Variants in DLL1 observed in about 807,000 individuals in gnomAD.
DLL1 encodes delta like canonical Notch ligand 1.
Under a neutral mutation model 75.1 loss-of-function variants are expected in DLL1, and 9 were observed. The observed-to-expected ratio is 0.12, with a 90% CI of 0.07 to 0.21. The LOEUF (loss-of-function observed/expected upper bound fraction) is 0.21, where lower values mean the gene tolerates loss of function less well. Ranked by LOEUF, DLL1 falls within the 10% of genes least tolerant of loss-of-function variation. The probability of loss-of-function intolerance (pLI) is 1.00; values close to 1 mark genes in which losing one functional copy is unlikely to be tolerated. For missense variants in DLL1, 837 were observed against 1,007.6 expected (o/e 0.83, Z 2.29); for synonymous variants, 477 against 418.3 (o/e 1.14, Z -1.71).
In DLL1 at chr6:170,290,867, C is replaced by G. The variant is rs1783847452; in HGVS notation, c.-728G>C. ...GAGGAGGCTCTGCGCCGCGGCTGCC[C>G]GGGTTCCCCTGCGCTCTGCCCTCGG... On this transcript the variant is annotated 5_prime_UTR_variant, in exon 1 of 11. Coordinates refer to ENST00000366756, the MANE Select transcript of DLL1 (RefSeq NM_005618.4). This position sits in a 1 kb window ranked among gnomAD's most constrained non-coding sequence, Gnocchi z 4.7. The G allele has an allele frequency of 7.5e-6, 5 of 665,786 alleles. No homozygotes were observed. Among genetic ancestry groups the G allele is most frequent in the South Asian group, 4.9e-5 (3 of 61,404 alleles). 41.2% of individuals were successfully genotyped at this position (665,786 alleles called of 1,614,324 possible). A position where few individuals can be genotyped will look rare whatever the true frequency, so the allele number is the denominator to read the frequency against.
intron 2 of DLL1, chr6:170,289,095 G>A (rs1783777638): frequency 1.7e-6 from 1 of 583,996 alleles, no homozygotes; most frequent in South Asian, 2.0e-5. Flanking sequence ...AGAGGCCCGA[G>A]GGCCCTTGTC....
rs1033583 is a variant in DLL1 at position 170,282,835 on chromosome 6, T to G, written c.*39A>C. The G allele has an allele frequency of 0.32, 522,757 of 1,613,400 alleles. 87,261 individuals are homozygous for G. Among genetic ancestry groups the G allele is most frequent in the Non-Finnish European group, 0.35 (417,847 of 1,179,686 alleles). The stretch of plus-strand genomic sequence containing the variant: ...GCATATATCCTTGGAATTTTACTTA[T>G]TTTAAGAGAAACGGGAGTCTTGCCA... On this transcript the variant is annotated 3_prime_UTR_variant, in exon 11 of 11. Transcript: ENST00000366756.
At position 170,289,767 on chromosome 6, in the gene DLL1, G is replaced by C; in HGVS notation, c.96C>G (p.Phe32Leu). 1 of 1,555,996 alleles carries C rather than the reference G, an allele frequency of 6.4e-7. No homozygotes were observed. Among genetic ancestry groups the C allele is most frequent in the Non-Finnish European group, 8.7e-7 (1 of 1,149,622 alleles). The change falls in exon 2 of 11, where the codon TTC becomes TTG. Residue 32 changes from phenylalanine to leucine, a missense_variant. Phe to Leu is a conservative substitution (Grantham distance 22). Around this residue, in one of 2 missense-constraint regions of DLL1, gnomAD observed 304 missense variants for 461.9 expected, o/e 0.66. Transcript: ENST00000366756. ...SGVFELKLQE[F>L]VNKKGLLGNR... ...TCCCCAGCAGCCCCTTCTTGTTGAC[G>C]AACTCCTGCAGCTTCAGTTCGAACA...
rs1783674388 is a variant in DLL1 at position 170,285,333 on chromosome 6, G to C, written c.953C>G (p.Pro318Arg). 1 of 1,614,204 alleles carries C rather than the reference G, an allele frequency of 6.2e-7. No individual in the cohort carries two copies. The highest frequency in any genetic ancestry group is 8.5e-7 in the Non-Finnish European group (1 of 1,180,030). ...CTCGCAGGTGGCACCTGTGTACCCAGGCCGGCAAGAGCAAGTGTAGCTCCC... is the reference window on the plus strand; with the variant it reads ...CTCGCAGGTGGCACCTGTGTACCCACGCCGGCAAGAGCAAGTGTAGCTCCC... ...GQGSYTCSCR[P>R]GYTGATCELG... The change falls in exon 7 of 11, where the codon CCT becomes CGT. Residue 318 changes from proline to arginine, a missense_variant. Physicochemically the swap from Pro to Arg is moderately radical, Grantham distance 103 (BLOSUM62 -2). This residue lies in a region of DLL1 where 304 missense variants were observed against 461.9 expected (regional missense o/e 0.66). Transcript: ENST00000366756.
In DLL1 at chr6:170,290,894, C is replaced by A. The variant is rs2114968823; in HGVS notation, c.-755G>T. ...GGTTCCCCTGCGCTCTGCCCTCGGC[C>A]GGGTCGGGTCTCCGCGGGTGCGCGC... On this transcript the variant is annotated 5_prime_UTR_variant, in exon 1 of 11. Coordinates refer to ENST00000366756, the MANE Select transcript of DLL1 (RefSeq NM_005618.4). This position sits in a 1 kb window ranked among gnomAD's most constrained non-coding sequence, Gnocchi z 4.7. The A allele has an allele frequency of 1.4e-6, 1 of 691,524 alleles. No homozygotes were observed. Among genetic ancestry groups the A allele is most frequent in the South Asian group, 1.5e-5 (1 of 66,620 alleles). The allele number at this position is 691,524 out of a possible 1,614,324, so 42.8% of individuals were successfully genotyped here. A position where few individuals can be genotyped will look rare whatever the true frequency, so the allele number is the denominator to read the frequency against.
intron 4 of DLL1, among the ~76,000 whole-genome samples, chr6:170,287,318 G>A (rs547534195): frequency 6.6e-6 from 1 of 152,296 alleles, no homozygotes; most frequent in South Asian, 2.1e-4. Context: ...CCCTCTCCAA[G>A]GTTGTCCAGT....
At chr6:170,284,283 G>C (rs569591981) in intron 8 of DLL1, among the ~76,000 whole-genome samples, 1 of 152,288 alleles carries the variant, frequency 6.6e-6, no homozygotes, top group East Asian at 1.9e-4. Context: ...TCTGGTGGCT[G>C]CATTAGTCGC....
chr6:170,289,466 C>G (rs749121826), intron 2 of DLL1, 46 bp downstream of exon 2: 3 of 1,524,430 alleles, frequency 2.0e-6, no homozygotes, highest in East Asian at 5.1e-5. Context: ...TCCTGCAGCC[C>G]GCCCAGCTTC....
rs765741616 is a variant in DLL1 at position 170,288,422 on chromosome 6, G to C, written c.487C>G (p.Leu163Val). 1.9e-6 allele frequency: 3 copies of C among 1,613,986 alleles called. No homozygotes were observed. In the South Asian group the frequency reaches 3.3e-5, roughly 18 times the overall value. ...LTVGEEWSQD[L>V]HSSGRTDLKY... Reference sequence around the variant, plus strand: ...AGGTCCGTGCGGCCGCTGCTGTGCAGGTCCTGGGACCACTCCTCGCCCACC... The same window carrying C: ...AGGTCCGTGCGGCCGCTGCTGTGCACGTCCTGGGACCACTCCTCGCCCACC... The change falls in exon 4 of 11, where the codon CTG becomes GTG. Residue 163 changes from leucine (L) to valine (V), a missense_variant. By Grantham distance (32) the Leu-to-Val change is conservative. Transcript: ENST00000366756.
chr6:170,285,533 G>C (rs1329362676), intron 6 of DLL1, 36 bp downstream of exon 6: 1 of 1,614,152 alleles, frequency 6.2e-7, no homozygotes, highest in Non-Finnish European at 8.5e-7. Flanking sequence ...GGGCTGCTCT[G>C]GAGGGAGCAG....
chr6:170,290,192 C>G lies in DLL1; in HGVS notation c.-53G>C. The G allele has an allele frequency of 6.4e-7, 1 of 1,571,958 alleles. No individual in the cohort carries two copies. Among genetic ancestry groups the G allele is most frequent in the Non-Finnish European group, 8.6e-7 (1 of 1,165,666 alleles). ...GGGGCCCCCACTTCTCTCCTTAGAACAGCGGCGGACGCGCGGGGGATCGAT... is the reference window on the plus strand; with the variant it reads ...GGGGCCCCCACTTCTCTCCTTAGAAGAGCGGCGGACGCGCGGGGGATCGAT... On this transcript the variant is annotated 5_prime_UTR_variant, in exon 1 of 11. Coordinates refer to ENST00000366756, the MANE Select transcript of DLL1 (RefSeq NM_005618.4). The surrounding 1 kb of genome is among the most constrained non-coding windows in gnomAD (Gnocchi z 4.7).
At chr6:170,283,190 C>A (rs1354492934) in intron 9 of DLL1, 41 bp downstream of exon 9, 12 of 1,613,384 alleles carry the variant, frequency 7.4e-6, no homozygotes, top group Non-Finnish European at 1.0e-5. Context: ...GGAAGACACC[C>A]CCCAGGTACC....
In DLL1 at chr6:170,283,536, G is replaced by C. The variant is rs1385628927; in HGVS notation, c.1743C>G (p.Asp581Glu). The change falls in exon 9 of 11, where the codon GAC becomes GAG. Residue 581 changes from aspartate (D) to glutamate (E), a missense_variant. Physicochemically the swap from Asp to Glu is conservative, Grantham distance 45. This residue lies in a region of DLL1 where 533 missense variants were observed against 545.7 expected (regional missense o/e 0.98). Transcript: ENST00000366756. ...LRLQKHRPPADPCRGETETMN... is the reference protein window; with the variant it reads ...LRLQKHRPPAEPCRGETETMN... ...TGGTCTCCGTCTCCCCCCGGCAGGG[G>C]TCGGCTGGGGGCCGGTGCTTCTGCA... 1.7e-5 allele frequency: 28 copies of C among 1,613,604 alleles called. No homozygotes were observed. The highest frequency in any genetic ancestry group is 2.4e-5 in the Non-Finnish European group (28 of 1,179,912).
Position 170,290,894 on chromosome 6 carries a change from C to G in DLL1, c.-755G>C. On this transcript the variant is annotated 5_prime_UTR_variant, in exon 1 of 11. Coordinates refer to ENST00000366756, the MANE Select transcript of DLL1 (RefSeq NM_005618.4). The surrounding 1 kb of genome is among the most constrained non-coding windows in gnomAD (Gnocchi z 4.7). ...GGTTCCCCTGCGCTCTGCCCTCGGCCGGGTCGGGTCTCCGCGGGTGCGCGC... is the reference window on the plus strand; with the variant it reads ...GGTTCCCCTGCGCTCTGCCCTCGGCGGGGTCGGGTCTCCGCGGGTGCGCGC... 2 of 691,526 alleles carry G rather than the reference C, an allele frequency of 2.9e-6. No homozygotes were observed. Among genetic ancestry groups the G allele is most frequent in the Non-Finnish European group, 5.3e-6 (2 of 379,404 alleles). 42.8% of individuals were successfully genotyped at this position (691,526 alleles called of 1,614,324 possible).
chr6:170,282,869 C>G lies in DLL1; in HGVS notation c.*5G>C. 3 of 1,614,192 alleles carry G rather than the reference C, an allele frequency of 1.9e-6. No individual in the cohort carries two copies. The highest frequency in any genetic ancestry group is 2.5e-6 in the Non-Finnish European group (3 of 1,180,046). ...AAACGGGAGTCTTGCCATCTCACTT[C>G]CATTTTACACCTGGGGGGCCACAAG... On this transcript the variant is annotated 3_prime_UTR_variant, in exon 11 of 11. Coordinates refer to ENST00000366756, the MANE Select transcript of DLL1 (RefSeq NM_005618.4).
In DLL1 at chr6:170,283,969, C is replaced by A. The variant is rs2114958853; in HGVS notation, c.1310G>T (p.Gly437Val). ...YLCRCQAGFSGRHCDDNVDDC... is the reference protein window; with the variant it reads ...YLCRCQAGFSVRHCDDNVDDC... ...GTCCACGTTGTCGTCACAGTGCCTC[C>A]CCGAGAAGCCGGCCTGGCAGCGGCA... The change falls in exon 9 of 11, where the codon GGG (glycine) becomes GTG (valine). Residue 437 changes from glycine (G) to valine (V), a missense_variant. Physicochemically the swap from Gly to Val is moderately radical, Grantham distance 109. This residue lies in a region of DLL1 where 533 missense variants were observed against 545.7 expected (regional missense o/e 0.98). Coordinates refer to ENST00000366756, the MANE Select transcript of DLL1 (RefSeq NM_005618.4). 1.3e-6 allele frequency: 2 copies of A among 1,587,380 alleles called. No homozygotes were observed. The highest frequency in any genetic ancestry group is 2.0e-4 in the Middle Eastern group (1 of 5,128).
chr6:170,282,684 G>C lies in DLL1; in HGVS notation c.*190C>G, dbSNP rs767788606. The C allele has an allele frequency of 1.8e-5, 15 of 853,176 alleles. No individual in the cohort carries two copies. Among genetic ancestry groups the C allele is most frequent in the Non-Finnish European group, 2.5e-5 (13 of 519,704 alleles). 52.9% of individuals were successfully genotyped at this position (853,176 alleles called of 1,614,324 possible). On this transcript the variant is annotated 3_prime_UTR_variant, in exon 11 of 11. Transcript: ENST00000366756. The stretch of plus-strand genomic sequence containing the variant: ...GACGTCACGGAAGGCAGTGCCGCAG[G>C]CGGCCGGGCCGCGACAGGCTGTCGG...
In DLL1 at chr6:170,290,064, G is replaced by T; in HGVS notation, c.54+22C>A. The T allele has an allele frequency of 6.4e-7, 1 of 1,570,786 alleles. No homozygotes were observed. ...ACCCGTGAGACCCCGCGGGGCCGCG[G>T]CGCCCCCACCTGCCCGCCTACCTGA... On this transcript the variant is annotated intron_variant, in intron 1 of 10. Transcript: ENST00000366756. The surrounding 1 kb of genome is among the most constrained non-coding windows in gnomAD (Gnocchi z 4.7).
At position 170,290,333 on chromosome 6, in the gene DLL1, A is replaced by C; in HGVS notation, c.-194T>G. On this transcript the variant is annotated 5_prime_UTR_variant, in exon 1 of 11. Coordinates refer to ENST00000366756, the MANE Select transcript of DLL1 (RefSeq NM_005618.4). The surrounding 1 kb of genome is among the most constrained non-coding windows in gnomAD (Gnocchi z 4.7). Reference sequence around the variant, plus strand: ...TCTTCCCAAGGCCGCGGTTCTTTATATCCGCCCTGCGAGGTCCCGCGGCAG... The same window carrying C: ...TCTTCCCAAGGCCGCGGTTCTTTATCTCCGCCCTGCGAGGTCCCGCGGCAG... The C allele has an allele frequency of 1.4e-5, 7 of 489,522 alleles. No individual in the cohort carries two copies. The highest frequency in any genetic ancestry group is 3.7e-5 in the East Asian group (1 of 27,188). 30.3% of individuals were successfully genotyped at this position (489,522 alleles called of 1,614,324 possible). A position where few individuals can be genotyped will look rare whatever the true frequency, so the allele number is the denominator to read the frequency against.
Sources: gnomAD v4.1 joint callset for allele counts (sites outside exome capture counted in the v4.1 genomes callset) on GRCh38, gnomAD v4.1.1 for gene constraint, gnomAD v4.1.1 regional missense constraint, Gnocchi (gnomAD v3.1) non-coding constraint, MANE v1.5 for transcripts, NCBI Gene and HGNC (gene_info 2026-07-23, HGNC 2026-07-21) for gene names.